Variants in HMCN2 observed in about 807,000 individuals in gnomAD.
HMCN2 encodes the protein hemicentin-2.
A neutral mutation model predicts 377.5 loss-of-function variants in HMCN2; 325 were observed. The observed-to-expected ratio is 0.86, with a 90% CI of 0.79 to 0.94. HMCN2 has a LOEUF of 0.94. Ranked by LOEUF, HMCN2 falls within the 40% of genes least tolerant of loss-of-function variation. HMCN2 has a pLI of 0.00. For synonymous variants in HMCN2, 2,007 were observed against 2,046.8 expected (o/e 0.98, Z 0.53); for missense variants, 4,543 against 4,725.3 (o/e 0.96, Z 1.13).
chr9:130,399,425 A>G, intron 75 of HMCN2, 86 bp from the exon 76 acceptor site: 1 of 1,167,102 alleles, frequency 8.6e-7, no homozygotes, highest in Non-Finnish European at 1.1e-6. Context: ...GGAAGGGGAA[A>G]TGGGCGTGAG....
chr9:130,349,255 T>G, intron 28 of HMCN2, 124 bp downstream of exon 28: 1 of 1,007,016 alleles, frequency 9.9e-7, no homozygotes, highest in Non-Finnish European at 1.3e-6. Flanking sequence ...GAGGGACCCA[T>G]GACAGACCCA....
chr9:130,402,649 C>A, intron 77 of HMCN2, 140 bp from the exon 78 acceptor site: 1 of 416,244 alleles, frequency 2.4e-6, no homozygotes, highest in Non-Finnish European at 4.4e-6. Flanking sequence ...CCCATACAGT[C>A]ACATCCCCCA....
At chr9:130,306,542 G>A (rs1439541764) in intron 12 of HMCN2, among the ~76,000 whole-genome samples, 71 of 136,676 alleles carry the variant, frequency 5.2e-4, no homozygotes, top group African/African-American at 1.8e-3. Flanking sequence ...CCTGAGTCCC[G>A]TCCCCACCAT....
Position 130,364,711 on chromosome 9 carries a change from C to A in HMCN2, c.6233-3C>A. 1 of 986,056 alleles carries A rather than the reference C, an allele frequency of 1.0e-6. No individual in the cohort carries two copies. Among genetic ancestry groups the A allele is most frequent in the Non-Finnish European group, 1.2e-6 (1 of 830,074 alleles). The allele number at this position is 986,056 out of a possible 1,614,324, so 61.1% of individuals were successfully genotyped here. On this transcript the variant is annotated splice_region_variant and splice_polypyrimidine_tract_variant and intron_variant, in intron 40 of 97. Coordinates refer to ENST00000683500, the MANE Select transcript of HMCN2 (RefSeq NM_001291815.2). ...GGAGCCCTTCTCCTGCCCCCTCCTG[C>A]AGTGCCCCCGAGTATCCTTGGAGAA...
rs1005385026 is a variant in HMCN2, at chr9:130,418,828, G to C, written c.13018G>C (p.Val4340Leu). 6.5e-7 allele frequency: 1 copy of C among 1,533,904 alleles called. No individual in the cohort carries two copies. ...CATGACAGTGAGATCTGGGGATGAC[G>C]TGGCCCTGCGGTGCCAGGCCACTGG... ...QDMTVRSGDD[V>L]ALRCQATGEP... is the part of the protein sequence containing the mutation. The change falls in exon 86 of 98, where the codon GTG becomes CTG. Residue 4340 changes from valine (V) to leucine (L), a missense_variant. Physicochemically the swap from Val to Leu is conservative, Grantham distance 32. Around this residue, in one of 5 missense-constraint regions of HMCN2, gnomAD observed 1,155 missense variants for 1,157.7 expected, o/e 1.00. Coordinates refer to ENST00000683500, the MANE Select transcript of HMCN2 (RefSeq NM_001291815.2).
intron 31 of HMCN2, 92 bp from the exon 32 acceptor site, chr9:130,354,671 C>T (rs1371680096): frequency 1.1e-5 from 12 of 1,079,088 alleles, no homozygotes; most frequent in African/African-American, 3.3e-5. Context: ...GGAGTGGGGT[C>T]GGTGAGGGGC....
In HMCN2 at chr9:130,379,422, G is replaced by C. The variant is rs1841577722; in HGVS notation, c.8386G>C (p.Glu2796Gln). Residue 2796 changes from glutamate (E) to glutamine (Q), a missense_variant, in exon 54 of 98, where the codon GAG becomes CAG. By Grantham distance (29) the Glu-to-Gln change is conservative (BLOSUM62 2). Transcript: ENST00000683500. ...IPPPDLTWYR[E>Q]DQPLSAGDEV... is the part of the protein sequence containing the mutation. ...ACCCCCGGACCTCACCTGGTACAGA[G>C]AGGATCAGCCCCTCTCGGCCGGGGA... The C allele has an allele frequency of 1.0e-6, 1 of 985,814 alleles. No individual in the cohort carries two copies. The highest frequency in any genetic ancestry group is 1.2e-6 in the Non-Finnish European group (1 of 829,992). 61.1% of individuals were successfully genotyped at this position (985,814 alleles called of 1,614,324 possible).
In HMCN2 at chr9:130,286,257, G is replaced by A. The variant is rs976742218; in HGVS notation, c.559G>A (p.Ala187Thr). 19 of 470,994 alleles carry A rather than the reference G, an allele frequency of 4.0e-5. No individual in the cohort carries two copies. The highest frequency in any genetic ancestry group is 7.5e-5 in the Non-Finnish European group (17 of 227,066). 29.2% of individuals were successfully genotyped at this position (470,994 alleles called of 1,614,324 possible). A position where few individuals can be genotyped will look rare whatever the true frequency, so the allele number is the denominator to read the frequency against. The change falls in exon 4 of 98, where the codon GCT (alanine) becomes ACT (threonine). Residue 187 changes from alanine (A) to threonine (T), a missense_variant. Ala to Thr is a moderately conservative substitution (Grantham distance 58, BLOSUM62 0). Transcript: ENST00000683500. ...HPGYLAYEEI[A>T]ATSSGQVFHL... is the part of the protein sequence containing the mutation. ...TGGCTACCTGGCTTATGAGGAGATC[G>A]CTGCCACCAGCTCTGGGCAGGTGTT...
chr9:130,400,910 A>G lies in HMCN2; in HGVS notation c.11733A>G (p.Leu3911=). 1 of 1,289,434 alleles carries G rather than the reference A, an allele frequency of 7.8e-7. No homozygotes were observed. The highest frequency in any genetic ancestry group is 1.0e-6 in the Non-Finnish European group (1 of 988,680). 79.9% of individuals were successfully genotyped at this position (1,289,434 alleles called of 1,614,324 possible). ...CCTGGAGCAAGGCAGGCGCCCAGCT[A>G]GGAGCTCGGGGGAGTGGCTATCGTG... ...TVSWSKAGAQ[L]GARGSGYRVS... The change falls in exon 77 of 98, where the codon CTA becomes CTG. Residue 3911 remains leucine (L), a synonymous_variant. Transcript: ENST00000683500.
chr9:130,428,816 A>G lies in HMCN2; in HGVS notation c.14197+327A>G, dbSNP rs530229659. Among the ~76,000 whole-genome samples, 3 of 152,306 alleles carry G rather than the reference A, an allele frequency of 2.0e-5. No individual in the cohort carries two copies. The highest frequency in any genetic ancestry group is 2.1e-4 in the South Asian group (1 of 4,830). ...CTGCTGCCATCCGTTCTGTTCCCCC[A>G]TATGAATCAAGGCCCAGCTAGAGAC... On this transcript the variant is annotated intron_variant, in intron 93 of 97. Transcript: ENST00000683500. This position sits in a 1 kb window ranked among gnomAD's most constrained non-coding sequence, Gnocchi z 5.0.
intron 28 of HMCN2, 51 bp downstream of exon 28, chr9:130,349,182 C>A: frequency 7.8e-7 from 1 of 1,284,268 alleles, no homozygotes; most frequent in Non-Finnish European, 1.0e-6. Context: ...GCCCTGTAGC[C>A]CCAACTCTTG....
intron 1 of HMCN2, among the ~76,000 whole-genome samples, chr9:130,270,989 T>G (rs528641473): frequency 3.8e-4 from 56 of 149,198 alleles, no homozygotes; most frequent in African/African-American, 1.3e-3. Flanking sequence ...TTACTTTCGT[T>G]TTGGTGAAAT....
At chr9:130,334,549 G>GTT (rs1192246439) in intron 22 of HMCN2, among the ~76,000 whole-genome samples, 37,302 of 98,648 alleles carry the variant, frequency 0.38, 9,060 homozygotes, top group Non-Finnish European at 0.51. Context: ...ACTTTTGGAA[G>GTT]TTTTTTTTTT....
chr9:130,356,065 G>A (rs1045116073), intron 33 of HMCN2, 23 bp from the exon 34 acceptor site: 9 of 1,239,856 alleles, frequency 7.3e-6, no homozygotes, highest in African/African-American at 4.7e-5. Flanking sequence ...AGGTTGACAC[G>A]CCCCCCTCCC....
intron 92 of HMCN2, 39 bp downstream of exon 92, chr9:130,427,658 T>C: frequency 6.5e-7 from 1 of 1,534,932 alleles, no homozygotes; most frequent in Non-Finnish European, 8.8e-7. Flanking sequence ...GACGCGCTCC[T>C]CAGACCTGAC....
At chr9:130,432,610 C>T in intron 97 of HMCN2, 55 bp downstream of exon 97, 1 of 1,525,516 alleles carries the variant, frequency 6.6e-7, no homozygotes, top group Admixed American at 2.0e-5. Flanking sequence ...ATTTTTCAGT[C>T]ACTGGGGGTG....
chr9:130,272,582 C>T (rs931770377), intron 1 of HMCN2, among the ~76,000 whole-genome samples: 5 of 151,630 alleles, frequency 3.3e-5, no homozygotes, highest in Non-Finnish European at 7.4e-5. Flanking sequence ...GGGTCTCATT[C>T]TGTTGCCCAG....
At chr9:130,358,590 C>T in intron 36 of HMCN2, 104 bp downstream of exon 36, 3 of 1,076,248 alleles carry the variant, frequency 2.8e-6, no homozygotes, top group Non-Finnish European at 2.5e-6. Flanking sequence ...GGAGGTTTTT[C>T]AGTCATAGTT....
rs1816386179 is a variant in HMCN2 at position 130,418,825 on chromosome 9, G to A, written c.13015G>A (p.Asp4339Asn). The A allele has an allele frequency of 1.3e-6, 2 of 1,531,890 alleles. No individual in the cohort carries two copies. Among genetic ancestry groups the A allele is most frequent in the African/African-American group, 2.8e-5 (2 of 72,630 alleles). 94.9% of individuals were successfully genotyped at this position (1,531,890 alleles called of 1,614,324 possible). The change falls in exon 86 of 98, where the codon GAC becomes AAC. Residue 4339 changes from aspartate to asparagine, a missense_variant. Asp to Asn is a conservative substitution (Grantham distance 23, BLOSUM62 1). This residue lies in a region of HMCN2 where 1,155 missense variants were observed against 1,157.7 expected (regional missense o/e 1.00). Coordinates refer to ENST00000683500, the MANE Select transcript of HMCN2 (RefSeq NM_001291815.2). ...GGACATGACAGTGAGATCTGGGGAT[G>A]ACGTGGCCCTGCGGTGCCAGGCCAC... is the stretch of plus-strand genomic sequence containing the variant. ...PQDMTVRSGD[D>N]VALRCQATGE...
Sources: allele counts gnomAD v4.1 joint callset (sites outside exome capture counted in the v4.1 genomes callset), GRCh38; gene constraint gnomAD v4.1.1; regional missense constraint gnomAD v4.1.1; non-coding constraint Gnocchi (gnomAD v3.1); transcripts MANE v1.5; gene names NCBI Gene and HGNC (gene_info 2026-07-23, HGNC 2026-07-21).